The following ALDH2 variants were observed in gnomAD, a reference collection of about 807,000 sequenced individuals.
ALDH2 encodes aldehyde dehydrogenase 2 family member, also known as aldehyde dehydrogenase, mitochondrial.
A neutral mutation model predicts 59.6 loss-of-function variants in ALDH2; 44 were observed. The observed-to-expected ratio is 0.74, with a 90% CI of 0.58 to 0.95. The LOEUF is 0.95. Among genes scored for constraint, ALDH2 ranks in the 40% least tolerant of loss-of-function variants. The probability of loss-of-function intolerance (pLI) is 0.00; values close to 1 mark genes in which losing one functional copy is unlikely to be tolerated. For missense variants in ALDH2, 570 were observed against 696.3 expected, an observed-to-expected ratio of 0.82 and a Z score of 2.04; for synonymous variants, 291 against 284.0, an observed-to-expected ratio of 1.02 and a Z score of -0.25.
rs759174174 is a variant in ALDH2 at position 111,792,159 on chromosome 12, C to T, written c.894C>T (p.Ala298=). 27 of 1,598,468 alleles carry T rather than the reference C, an allele frequency of 1.7e-5. No individual in the cohort carries two copies. The highest frequency in any genetic ancestry group is 4.1e-5 in the African/African-American group (3 of 73,644). ...GKSPNIIMSD[A]DMDWAVEQAH... ...GCCCCAACATCATCATGTCAGATGC[C>T]GATAGTGAGTTTCCAGCTGGAGAAG... Residue 298 remains alanine (A), a synonymous_variant, in exon 8 of 13, where the codon GCC becomes GCT. Transcript: ENST00000261733.
rs1411334186 is a variant in ALDH2, at chr12:111,791,326, G to A, written c.702G>A (p.Val234=). The change falls in exon 7 of 13, where the codon GTG becomes GTA. Residue 234 remains valine, a synonymous_variant. Transcript: ENST00000261733. ...LIKEAGFPPG[V]VNIVPGFGPT... is the part of the protein sequence containing the mutation. ...CACAGGCTGGCTTTCCCCCTGGTGT[G>A]GTCAACATTGTGCCTGGATTTGGCC... The A allele has an allele frequency of 6.2e-7, 1 of 1,614,002 alleles. No individual in the cohort carries two copies.
At chr12:111,803,733 T>A (rs937695654) in intron 11 of ALDH2, 126 bp from the exon 12 acceptor site, 15 of 476,986 alleles carry the variant, frequency 3.1e-5, no homozygotes, top group Non-Finnish European at 3.7e-5. Context: ...AAAGATTCTA[T>A]CTCAAAAAAA....
At chr12:111,793,290 C>T (rs758747809) in intron 9 of ALDH2, among the ~76,000 whole-genome samples, 20 of 151,938 alleles carry the variant, frequency 1.3e-4, no homozygotes, top group Non-Finnish European at 2.2e-4. Flanking sequence ...TGCAATCATA[C>T]CTCACCTCAG....
At chr12:111,776,413 A>G (rs1030617784) in intron 1 of ALDH2, among the ~76,000 whole-genome samples, 8 of 152,122 alleles carry the variant, frequency 5.3e-5, no homozygotes, top group African/African-American at 1.9e-4. Context: ...TCGATGAGGC[A>G]TCTGGGAAGT....
chr12:111,802,891 A>AG (rs2068465522), intron 11 of ALDH2, among the ~76,000 whole-genome samples: 1 of 147,072 alleles, frequency 6.8e-6, no homozygotes, highest in East Asian at 2.2e-4. Context: ...AAAAAAAAAA[A>AG]AAAAAGAAAA....
At chr12:111,801,467 G>T (rs772260686) in intron 11 of ALDH2, among the ~76,000 whole-genome samples, 1 of 152,084 alleles carries the variant, frequency 6.6e-6, no homozygotes, top group Non-Finnish European at 1.5e-5. Context: ...GGGAAGCCGA[G>T]GTGGGTAGGT....
chr12:111,776,876 G>A (rs1344749843), intron 1 of ALDH2, among the ~76,000 whole-genome samples: 1 of 151,890 alleles, frequency 6.6e-6, no homozygotes, highest in Non-Finnish European at 1.5e-5. Flanking sequence ...GTAGAGACAG[G>A]GTTTCACCAT....
Position 111,792,691 on chromosome 12 carries a change from T to C in ALDH2, c.992T>C (p.Ile331Thr), listed in dbSNP as rs1208439702. The part of the protein sequence containing the change: ...AGSRTFVQED[I>T]YDEFVERSVA... ...TCCCGGACCTTCGTGCAGGAGGACA[T>C]CTATGATGAGTTTGTGGAGCGGAGC... The change falls in exon 9 of 13, where the codon ATC becomes ACC. Residue 331 changes from isoleucine (I) to threonine (T), a missense_variant. Ile to Thr is a moderately conservative substitution (Grantham distance 89). Transcript: ENST00000261733. The C allele has an allele frequency of 3.7e-6, 6 of 1,606,750 alleles. No homozygotes were observed. Among genetic ancestry groups the C allele is most frequent in the Non-Finnish European group, 5.1e-6 (6 of 1,177,054 alleles).
chr12:111,782,922 C>T (rs533701580), intron 2 of ALDH2, among the ~76,000 whole-genome samples: 10 of 151,342 alleles, frequency 6.6e-5, no homozygotes, highest in South Asian at 2.1e-4. Flanking sequence ...AGAAATTATC[C>T]GGATTCTCAT....
chr12:111,774,094 G>T (rs149093906), intron 1 of ALDH2, among the ~76,000 whole-genome samples: 1 of 152,170 alleles, frequency 6.6e-6, no homozygotes, highest in African/African-American at 2.4e-5. Context: ...TTGAAACCGC[G>T]CCTGTCTGGC....
Position 111,791,342 on chromosome 12 carries a change from G to A in ALDH2, c.718G>A (p.Gly240Arg), listed in dbSNP as rs1391739056. ...FPPGVVNIVPGFGPTAGAAIA... is the reference protein window; with the variant it reads ...FPPGVVNIVPRFGPTAGAAIA... Reference sequence around the variant, plus strand: ...CCCTGGTGTGGTCAACATTGTGCCTGGATTTGGCCCCACGGCTGGGGCCGC... The same window carrying A: ...CCCTGGTGTGGTCAACATTGTGCCTAGATTTGGCCCCACGGCTGGGGCCGC... The change falls in exon 7 of 13, where the codon GGA (glycine) becomes AGA (arginine). Residue 240 changes from glycine (G) to arginine (R), a missense_variant. Physicochemically the swap from Gly to Arg is moderately radical, Grantham distance 125. Coordinates refer to ENST00000261733, the MANE Select transcript of ALDH2 (RefSeq NM_000690.4). 1.2e-6 allele frequency: 2 copies of A among 1,614,044 alleles called. No individual in the cohort carries two copies. The highest frequency in any genetic ancestry group is 1.7e-6 in the Non-Finnish European group (2 of 1,180,022).
At chr12:111,768,356 A>G (rs774953116) in intron 1 of ALDH2, among the ~76,000 whole-genome samples, 1 of 152,232 alleles carries the variant, frequency 6.6e-6, no homozygotes, top group African/African-American at 2.4e-5. Context: ...GTGTGGCTGC[A>G]AATCTGGATA....
chr12:111,803,786 C>A, intron 11 of ALDH2, 73 bp from the exon 12 acceptor site: 1 of 984,516 alleles, frequency 1.0e-6, no homozygotes. Flanking sequence ...GACTTTGGGG[C>A]AATACAGGGG....
chr12:111,767,107 C>G lies in ALDH2; in HGVS notation c.114+11C>G. The G allele has an allele frequency of 6.8e-7, 1 of 1,475,012 alleles. No homozygotes were observed. Among genetic ancestry groups the G allele is most frequent in the Non-Finnish European group, 8.9e-7 (1 of 1,120,456 alleles). The allele number at this position is 1,475,012 out of a possible 1,614,324, so 91.4% of individuals were successfully genotyped here. A position where few individuals can be genotyped will look rare whatever the true frequency, so the allele number is the denominator to read the frequency against. On this transcript the variant is annotated intron_variant, in intron 1 of 12. Coordinates refer to ENST00000261733, the MANE Select transcript of ALDH2 (RefSeq NM_000690.4). ...GTCTTCTGCAACCAGGTGAGCCCAC[C>G]GGCCGGGCTCGCGCTTTGTTTTCCG...
At position 111,809,923 on chromosome 12, in the gene ALDH2, C is replaced by T; in HGVS notation, c.*348C>T. ...TACAATTATATCACCATTAAGGCAA[C>T]TGCTACACCCTGCTTTGTATTCTGG... On this transcript the variant is annotated 3_prime_UTR_variant, in exon 13 of 13. Transcript: ENST00000261733. 2.9e-6 allele frequency: 1 copy of T among 350,352 alleles called. No homozygotes were observed. The highest frequency in any genetic ancestry group is 2.1e-5 in the African/African-American group (1 of 47,262). The allele number at this position is 350,352 out of a possible 1,614,324, so 21.7% of individuals were successfully genotyped here.
At position 111,783,212 on chromosome 12, in the gene ALDH2, C is replaced by G. The variant is rs201582342; in HGVS notation, c.274C>G (p.Pro92Ala). The G allele has an allele frequency of 6.2e-7, 1 of 1,613,370 alleles. No homozygotes were observed. The highest frequency in any genetic ancestry group is 1.3e-5 in the African/African-American group (1 of 74,944). ...CCGGGCCGCCTTCCAGCTGGGCTCA[C>G]CTTGGCGCCGCATGGACGCATCACA... ...AARAAFQLGS[P>A]WRRMDASHRG... Residue 92 changes from proline to alanine, a missense_variant, in exon 3 of 13, where the codon CCT (proline) becomes GCT (alanine). Physicochemically the swap from Pro to Ala is conservative, Grantham distance 27 (BLOSUM62 -1). Transcript: ENST00000261733.
At chr12:111,792,450 C>T in intron 8 of ALDH2, 148 bp from the exon 9 acceptor site, 2 of 964,950 alleles carry the variant, frequency 2.1e-6, no homozygotes, top group Non-Finnish European at 1.5e-6. Flanking sequence ...GCTCCGAGAG[C>T]ACCCCTCATC....
intron 1 of ALDH2, among the ~76,000 whole-genome samples, chr12:111,778,282 C>T (rs1405350912): frequency 3.3e-5 from 5 of 152,148 alleles, no homozygotes; most frequent in Middle Eastern, 3.2e-3. Flanking sequence ...CGGTGGCTCA[C>T]GCCTGTAATC....
chr12:111,809,441 AG>A, intron 12 of ALDH2, 101 bp from the exon 13 acceptor site: 1 of 1,344,568 alleles, frequency 7.4e-7, no homozygotes, highest in Non-Finnish European at 1.1e-6. Flanking sequence ...GGAGAAAAAA[AG>A]AAAAGCCCTT....
Sources: allele counts gnomAD v4.1 joint callset (sites outside exome capture counted in the v4.1 genomes callset), GRCh38; gene constraint gnomAD v4.1.1; transcripts MANE v1.5; gene names NCBI Gene and HGNC (gene_info 2026-07-23, HGNC 2026-07-21).